The following BICD1 variants were observed in gnomAD, a reference collection of about 807,000 sequenced individuals.
BICD1 encodes protein bicaudal D homolog 1.
Under a neutral mutation model 92.5 loss-of-function variants are expected in BICD1, and 35 were observed. That is an observed-to-expected ratio of 0.38 (90% CI 0.29 to 0.50). BICD1 has a LOEUF of 0.50. Among genes scored for constraint, BICD1 ranks in the 20% least tolerant of loss-of-function variants. The pLI is 0.93. For synonymous variants in BICD1, 429 were observed against 465.1 expected, an observed-to-expected ratio of 0.92 and a Z score of 1.00; for missense variants, 950 against 1,189.8, an observed-to-expected ratio of 0.80 and a Z score of 2.97.
intron 3 of BICD1, among the ~76,000 whole-genome samples, chr12:32,296,744 G>T (rs191915413): frequency 2.6e-5 from 4 of 152,146 alleles, no homozygotes; most frequent in Admixed American, 6.5e-5. Context: ...TTCCCTGACC[G>T]CATGTGGAGA....
intron 1 of BICD1, among the ~76,000 whole-genome samples, chr12:32,204,777 C>T (rs1945000437): frequency 6.6e-6 from 1 of 152,190 alleles, no homozygotes; most frequent in Non-Finnish European, 1.5e-5. Flanking sequence ...ACAGCAAACT[C>T]ACAGAAGACG....
intron 1 of BICD1, among the ~76,000 whole-genome samples, chr12:32,193,831 G>A (rs767557054): frequency 2.6e-5 from 4 of 152,130 alleles, no homozygotes; most frequent in Non-Finnish European, 5.9e-5. Context: ...TTCGAGAGGA[G>A]GGAACACTTC....
chr12:32,252,010 T>C (rs1946537962), intron 2 of BICD1, among the ~76,000 whole-genome samples: 2 of 126,056 alleles, frequency 1.6e-5, no homozygotes, highest in South Asian at 4.4e-4. Context: ...AATATATATT[T>C]ATAATAAATA....
chr12:32,316,135 C>CAA (rs79211021), intron 4 of BICD1, among the ~76,000 whole-genome samples: 2 of 144,364 alleles, frequency 1.4e-5, no homozygotes, highest in African/African-American at 5.2e-5. Context: ...GACCCTGTCT[C>CAA]AAAAAAAAAA....
chr12:32,343,901 A>G (rs1373508210), intron 8 of BICD1, among the ~76,000 whole-genome samples: 1 of 152,230 alleles, frequency 6.6e-6, no homozygotes, highest in African/African-American at 2.4e-5. Flanking sequence ...GCATTCAAGC[A>G]AGTAGATATT....
At chr12:32,234,502 C>A (rs569090576) in intron 2 of BICD1, among the ~76,000 whole-genome samples, 46 of 150,942 alleles carry the variant, frequency 3.0e-4, no homozygotes, top group African/African-American at 9.7e-4. Context: ...GAAGCTGAGG[C>A]AGGAAATCAC....
intron 2 of BICD1, among the ~76,000 whole-genome samples, chr12:32,279,872 G>T (rs1947369809): frequency 6.6e-6 from 1 of 152,226 alleles, no homozygotes. Flanking sequence ...GGCTGAGGCG[G>T]GTGGATCACC....
chr12:32,259,265 A>T (rs1946797662), intron 2 of BICD1, among the ~76,000 whole-genome samples: 1 of 152,118 alleles, frequency 6.6e-6, no homozygotes. Flanking sequence ...TTGTATTATA[A>T]CTATTCTAAC....
chr12:32,126,320 C>G (rs1011080888), intron 1 of BICD1, among the ~76,000 whole-genome samples: 1 of 152,004 alleles, frequency 6.6e-6, no homozygotes, highest in African/African-American at 2.4e-5. Flanking sequence ...GCAGACTGTT[C>G]ACACCGAGTT....
intron 1 of BICD1, among the ~76,000 whole-genome samples, chr12:32,115,042 C>T (rs537432653): frequency 3.8e-4 from 58 of 151,594 alleles, no homozygotes; most frequent in African/African-American, 1.2e-3. Flanking sequence ...GTGTGGGCGG[C>T]GGGGGAGTTT....
intron 1 of BICD1, among the ~76,000 whole-genome samples, chr12:32,206,079 A>G (rs767026364): frequency 6.6e-6 from 1 of 152,186 alleles, no homozygotes; most frequent in Non-Finnish European, 1.5e-5. Context: ...TTGTATGGAT[A>G]TGCCACAACT....
intron 1 of BICD1, among the ~76,000 whole-genome samples, chr12:32,116,686 T>C (rs1592321734): frequency 1.4e-4 from 1 of 7,160 alleles, no homozygotes; most frequent in Non-Finnish European, 3.1e-4. Flanking sequence ...TGCTGGCTAT[T>C]TTTTTTTTTT....
chr12:32,283,707 G>T (rs1815845302), intron 2 of BICD1, among the ~76,000 whole-genome samples: 1 of 152,212 alleles, frequency 6.6e-6, no homozygotes. Context: ...AGAATCAGAG[G>T]TGCAGTTATT....
At chr12:32,148,505 A>G (rs1242003139) in intron 1 of BICD1, among the ~76,000 whole-genome samples, 1 of 152,214 alleles carries the variant, frequency 6.6e-6, no homozygotes, top group Non-Finnish European at 1.5e-5. Context: ...TTTAATTCAC[A>G]TGCAAGAGCG....
intron 1 of BICD1, among the ~76,000 whole-genome samples, chr12:32,196,502 A>C (rs923313283): frequency 6.6e-6 from 1 of 152,238 alleles, no homozygotes; most frequent in East Asian, 1.9e-4. Context: ...CCTGGAGGAC[A>C]TGATGGTAAG....
intron 2 of BICD1, among the ~76,000 whole-genome samples, chr12:32,282,436 C>T (rs1947443309): frequency 2.6e-5 from 4 of 151,894 alleles, no homozygotes; most frequent in East Asian, 1.9e-4. Context: ...GCCCAGGCTG[C>T]ACCTTGAAGT....
At chr12:32,184,025 A>G (rs947557597) in intron 1 of BICD1, among the ~76,000 whole-genome samples, 1 of 152,180 alleles carries the variant, frequency 6.6e-6, no homozygotes, top group Non-Finnish European at 1.5e-5. Context: ...TACTGGCTCC[A>G]GGTCTCTTTG....
chr12:32,337,748 T>A lies in BICD1; in HGVS notation c.2502T>A (p.Thr834=), dbSNP rs779645823. ...EASVTVPTID[T]YLLHSQGPQT... is the part of the protein sequence containing the mutation. ...CAGTCACCGTGCCCACCATAGACAC[T>A]TACCTCCTGCATAGTCAGGGCCCAC... The change falls in exon 7 of 10, where the codon ACT becomes ACA. Residue 834 remains threonine (T), a synonymous_variant. Transcript: ENST00000652176. The surrounding 1 kb of genome is among the most constrained non-coding windows in gnomAD (Gnocchi z 4.7). The A allele has an allele frequency of 6.2e-7, 1 of 1,614,072 alleles. No individual in the cohort carries two copies. The highest frequency in any genetic ancestry group is 8.5e-7 in the Non-Finnish European group (1 of 1,180,022).
chr12:32,260,545 A>G (rs1470954263), intron 2 of BICD1, among the ~76,000 whole-genome samples: 1 of 152,186 alleles, frequency 6.6e-6, no homozygotes, highest in Admixed American at 6.5e-5. Context: ...ATGCATATAC[A>G]TATACATTCC....
Sources: allele counts gnomAD v4.1 joint callset (sites outside exome capture counted in the v4.1 genomes callset), GRCh38; gene constraint gnomAD v4.1.1; non-coding constraint Gnocchi (gnomAD v3.1); transcripts MANE v1.5; gene names NCBI Gene and HGNC (gene_info 2026-07-23, HGNC 2026-07-21).